Variants in CSMD1 observed in about 807,000 individuals in gnomAD.
CSMD1 encodes CUB and Sushi multiple domains 1.
In CSMD1, 213 loss-of-function variants were observed where a neutral mutation model predicts 417.5. The observed-to-expected ratio is 0.51, with a 90% CI of 0.46 to 0.57. The LOEUF (loss-of-function observed/expected upper bound fraction) is 0.57, where lower values mean the gene tolerates loss of function less well. Ranked by LOEUF, CSMD1 falls within the 20% of genes least tolerant of loss-of-function variation. The probability of loss-of-function intolerance (pLI) is 0.00; values close to 1 mark genes in which losing one functional copy is unlikely to be tolerated. For missense variants in CSMD1, 6,923 were observed against 4,529.7 expected (o/e 1.53, Z -15.17); for synonymous variants, 2,862 against 1,736.8 (o/e 1.65, Z -16.11).
chr8:2,997,915 T>C (rs749371669), intron 54 of CSMD1, 96 bp downstream of exon 54: 121 of 1,216,242 alleles, frequency 9.9e-5, no homozygotes, highest in Non-Finnish European at 1.3e-4. Context: ...TCTTTATGCA[T>C]TACCCTTGAT....
intron 25 of CSMD1, among the ~76,000 whole-genome samples, chr8:3,294,699 C>T (rs1007027136): frequency 6.6e-6 from 1 of 152,074 alleles, no homozygotes; most frequent in Non-Finnish European, 1.5e-5. Flanking sequence ...TGGGAGTGAC[C>T]CGATTTTCCA....
chr8:3,610,801 G>C (rs1382156359), intron 8 of CSMD1, among the ~76,000 whole-genome samples: 4 of 152,048 alleles, frequency 2.6e-5, no homozygotes, highest in African/African-American at 4.8e-5. Context: ...GCCTGGAAAG[G>C]TGGAATTTTA....
chr8:3,851,824 C>T (rs556822477), intron 5 of CSMD1, among the ~76,000 whole-genome samples: 1 of 152,188 alleles, frequency 6.6e-6, no homozygotes, highest in African/African-American at 2.4e-5. Flanking sequence ...GGATGAGAGA[C>T]TGAGGGCGCC....
chr8:4,712,076 T>C (rs1419988647), intron 1 of CSMD1, among the ~76,000 whole-genome samples: 1 of 152,188 alleles, frequency 6.6e-6, no homozygotes, highest in African/African-American at 2.4e-5. Flanking sequence ...TTCACTGCCA[T>C]GAAGAAGAAA....
At chr8:3,361,079 C>G (rs1809131884) in intron 20 of CSMD1, among the ~76,000 whole-genome samples, 1 of 152,070 alleles carries the variant, frequency 6.6e-6, no homozygotes. Flanking sequence ...CATTGATAAC[C>G]TTGAGATATA....
At chr8:3,310,843 C>G (rs907791080) in intron 23 of CSMD1, among the ~76,000 whole-genome samples, 1 of 151,318 alleles carries the variant, frequency 6.6e-6, no homozygotes, top group Non-Finnish European at 1.5e-5. Flanking sequence ...CCCAATGTGA[C>G]CCGAACTTCT....
chr8:3,075,087 C>T (rs747282918), intron 49 of CSMD1, among the ~76,000 whole-genome samples: 13 of 152,058 alleles, frequency 8.5e-5, no homozygotes, highest in Non-Finnish European at 1.8e-4. Context: ...CTCTCTCTTG[C>T]TCCTACTTTT....
chr8:4,371,660 G>T (rs949226129), intron 3 of CSMD1, among the ~76,000 whole-genome samples: 2 of 152,088 alleles, frequency 1.3e-5, no homozygotes, highest in African/African-American at 4.8e-5. Context: ...ACGTCTTAAA[G>T]TTCTTATATC....
At chr8:4,810,288 T>C (rs919886207) in intron 1 of CSMD1, among the ~76,000 whole-genome samples, 4 of 152,246 alleles carry the variant, frequency 2.6e-5, no homozygotes, top group African/African-American at 4.8e-5. Context: ...AAATTGATTT[T>C]CTCATAGTCA....
intron 11 of CSMD1, among the ~76,000 whole-genome samples, chr8:3,492,368 C>A (rs1437018536): frequency 6.6e-6 from 1 of 152,036 alleles, no homozygotes; most frequent in Non-Finnish European, 1.5e-5. Context: ...TCATCTGGCA[C>A]CACAGAAACT....
intron 1 of CSMD1, among the ~76,000 whole-genome samples, chr8:4,763,616 T>G (rs1029942452): frequency 2.6e-5 from 4 of 152,174 alleles, no homozygotes; most frequent in Non-Finnish European, 5.9e-5. Context: ...CTCTTTGACC[T>G]CATTTTACCA....
intron 5 of CSMD1, among the ~76,000 whole-genome samples, chr8:3,844,383 C>T (rs1803348791): frequency 6.6e-6 from 1 of 152,070 alleles, no homozygotes; most frequent in Admixed American, 6.6e-5. Flanking sequence ...ACACATACAC[C>T]TCACTCACCA....
At chr8:4,468,475 A>G (rs1800325317) in intron 2 of CSMD1, among the ~76,000 whole-genome samples, 1 of 152,218 alleles carries the variant, frequency 6.6e-6, no homozygotes, top group Non-Finnish European at 1.5e-5. Flanking sequence ...AGCTCTTGAT[A>G]TACCAACTCA....
At chr8:4,120,460 A>G (rs538777543) in intron 3 of CSMD1, among the ~76,000 whole-genome samples, 1 of 152,308 alleles carries the variant, frequency 6.6e-6, no homozygotes, top group South Asian at 2.1e-4. Flanking sequence ...CATCCCTGCC[A>G]GTCACTTCTC....
In CSMD1 at chr8:3,774,411, G is replaced by A. The variant is rs184088515; in HGVS notation, c.819-20369C>T. Reference sequence around the variant, plus strand: ...AAAACACAAGTTTTTCAAAGATGCCGTCAGCCTGCTTTCCACCATGATATC... The same window carrying A: ...AAAACACAAGTTTTTCAAAGATGCCATCAGCCTGCTTTCCACCATGATATC... On this transcript the variant is annotated intron_variant, in intron 5 of 69. Coordinates refer to ENST00000635120, the MANE Select transcript of CSMD1 (RefSeq NM_033225.6). 4.6e-5 allele frequency among the ~76,000 whole-genome samples: 7 copies of A among 152,238 alleles called. No homozygotes were observed. In the East Asian group the frequency reaches 1.2e-3, roughly 25 times the overall value.
At chr8:4,328,059 C>T (rs1245097905) in intron 3 of CSMD1, among the ~76,000 whole-genome samples, 1 of 152,102 alleles carries the variant, frequency 6.6e-6, no homozygotes, top group South Asian at 2.1e-4. Context: ...AAGTACTAAG[C>T]TCTGCACTCC....
rs190105373 is a variant in CSMD1, at chr8:4,144,967, G to T, written c.416-112868C>A. Among the ~76,000 whole-genome samples the T allele has an allele frequency of 8.9e-4, 135 of 150,922 alleles. 8 individuals are homozygous for T. The highest frequency in any genetic ancestry group is 3.2e-3 in the African/African-American group (128 of 40,368). On this transcript the variant is annotated intron_variant, in intron 3 of 69. Coordinates refer to ENST00000635120, the MANE Select transcript of CSMD1 (RefSeq NM_033225.6). ...ATCATTTCTAACTTGAAAACAGAAG[G>T]GAGGATAGCATTTGTTTCATAAAAC...
chr8:4,703,209 A>G (rs1162497752), intron 1 of CSMD1, among the ~76,000 whole-genome samples: 1 of 152,214 alleles, frequency 6.6e-6, no homozygotes, highest in East Asian at 1.9e-4. Flanking sequence ...GGATGATGCT[A>G]TAGCTCATAC....
chr8:3,117,677 G>A (rs1193943633), intron 42 of CSMD1, among the ~76,000 whole-genome samples: 1 of 152,054 alleles, frequency 6.6e-6, no homozygotes, highest in Non-Finnish European at 1.5e-5. Flanking sequence ...TAAAAATGAG[G>A]CAGTCACACA....
Sources: allele counts gnomAD v4.1 joint callset (sites outside exome capture counted in the v4.1 genomes callset), GRCh38; gene constraint gnomAD v4.1.1; transcripts MANE v1.5; gene names NCBI Gene and HGNC (gene_info 2026-07-23, HGNC 2026-07-21).